HMBOX1: variants seen among roughly 807,000 people sequenced by gnomAD.
HMBOX1 encodes homeobox-containing protein 1.
In HMBOX1, 14 loss-of-function variants were observed where a neutral mutation model predicts 54.5. The observed-to-expected ratio is 0.26, with a 90% CI of 0.17 to 0.40. The LOEUF (loss-of-function observed/expected upper bound fraction) is 0.40. HMBOX1 is among the 10% of genes least tolerant of loss of function. The pLI, the probability that HMBOX1 is intolerant of heterozygous loss-of-function variation, is 1.00. For synonymous variants in HMBOX1, 160 were observed against 181.0 expected, an observed-to-expected ratio of 0.88 and a Z score of 0.93; for missense variants, 332 against 514.4, an observed-to-expected ratio of 0.65 and a Z score of 3.43.
chr8:29,047,329 T>C, intron 7 of HMBOX1, 29 bp from the exon 8 acceptor site: 1 of 1,244,034 alleles, frequency 8.0e-7, no homozygotes, highest in Non-Finnish European at 1.2e-6. Context: ...AGATATAGAT[T>C]ATCTGAATTT....
chr8:28,989,713 A>C (rs1830700413), intron 4 of HMBOX1, among the ~76,000 whole-genome samples: 1 of 152,204 alleles, frequency 6.6e-6, no homozygotes, highest in Non-Finnish European at 1.5e-5. Context: ...TACATTTTAA[A>C]ACTAGCTTTT....
intron 1 of HMBOX1, among the ~76,000 whole-genome samples, chr8:28,920,420 A>G (rs1288010639): frequency 6.6e-6 from 1 of 152,220 alleles, no homozygotes; most frequent in East Asian, 1.9e-4. Flanking sequence ...TAAATATATT[A>G]CATTTTATTA....
At chr8:28,941,584 A>AAGATTTCAC (rs1821424553) in intron 1 of HMBOX1, among the ~76,000 whole-genome samples, 1 of 152,226 alleles carries the variant, frequency 6.6e-6, no homozygotes, top group Non-Finnish European at 1.5e-5. Context: ...AAGCAGTTGA[A>AAGATTTCAC]AGATTTCACT....
chr8:28,966,950 G>A lies in HMBOX1; in HGVS notation c.23+3060G>A, dbSNP rs1398115312. On this transcript the variant is annotated intron_variant, in intron 2 of 9. Coordinates refer to ENST00000287701, the MANE Select transcript of HMBOX1 (RefSeq NM_001135726.3). Reference sequence around the variant, plus strand: ...GAAACAAAACAGCAAGAAGAGCAGGGATATATCAGGGGCTTAGGGATTATT... The same window carrying A: ...GAAACAAAACAGCAAGAAGAGCAGGAATATATCAGGGGCTTAGGGATTATT... 5.3e-5 allele frequency among the ~76,000 whole-genome samples: 8 copies of A among 152,230 alleles called. No individual in the cohort carries two copies. In the East Asian group the frequency reaches 1.5e-3, roughly 29 times the overall value.
At chr8:28,957,346 T>A (rs6981137) in intron 1 of HMBOX1, among the ~76,000 whole-genome samples, 150,168 of 152,298 alleles carry the variant, frequency 0.99, 74,047 homozygotes, top group East Asian at 1. Flanking sequence ...TATAAGTGGG[T>A]GCTAAACTTT....
rs576250155 is a variant in HMBOX1 at position 28,907,565 on chromosome 8, T to C, written c.-58+16887T>C. Among the ~76,000 whole-genome samples the C allele has an allele frequency of 4.6e-5, 7 of 152,304 alleles. No individual in the cohort carries two copies. In the East Asian group the frequency reaches 1.4e-3, roughly 29 times the overall value. On this transcript the variant is annotated intron_variant, in intron 1 of 9. Coordinates refer to ENST00000287701, the MANE Select transcript of HMBOX1 (RefSeq NM_001135726.3). ...CTCATCCAGGTAGTATAAAAACAATTAGTGCAATCAGTGATTTGTTATGTG... is the reference window on the plus strand; with the variant it reads ...CTCATCCAGGTAGTATAAAAACAATCAGTGCAATCAGTGATTTGTTATGTG...
At chr8:28,911,975 T>G (rs1186404579) in intron 1 of HMBOX1, among the ~76,000 whole-genome samples, 1 of 152,206 alleles carries the variant, frequency 6.6e-6, no homozygotes, top group Non-Finnish European at 1.5e-5. Context: ...ATTTTGAATT[T>G]TGACTTCTTT....
chr8:28,963,629 G>A (rs1007401440), intron 1 of HMBOX1, among the ~76,000 whole-genome samples, 182 bp from the exon 2 acceptor site: 1 of 152,144 alleles, frequency 6.6e-6, no homozygotes, highest in Non-Finnish European at 1.5e-5. Flanking sequence ...TAAGATCTGT[G>A]TCTGAATTGA....
At chr8:28,956,569 T>C (rs1052826907) in intron 1 of HMBOX1, among the ~76,000 whole-genome samples, 1 of 152,180 alleles carries the variant, frequency 6.6e-6, no homozygotes, top group East Asian at 1.9e-4. Flanking sequence ...TTAAAAAATA[T>C]GTATTCTTTC....
At chr8:29,021,035 C>T (rs764235255) in intron 6 of HMBOX1, among the ~76,000 whole-genome samples, 5 of 152,000 alleles carry the variant, frequency 3.3e-5, no homozygotes, top group Non-Finnish European at 4.4e-5. Flanking sequence ...AATATCTGGG[C>T]GTGGTGGCAT....
chr8:28,973,813 T>TTTTG (rs1563501736), intron 3 of HMBOX1, among the ~76,000 whole-genome samples: 15 of 35,058 alleles, frequency 4.3e-4, no homozygotes, highest in South Asian at 9.2e-4. Flanking sequence ...GTTTTTTTTT[T>TTTTG]TTTTTTTTTT....
chr8:28,961,152 A>G (rs1044445169), intron 1 of HMBOX1, among the ~76,000 whole-genome samples: 2 of 151,946 alleles, frequency 1.3e-5, no homozygotes, highest in African/African-American at 4.8e-5. Flanking sequence ...AGCATCCATA[A>G]ATTTATATCC....
At position 29,051,092 on chromosome 8, in the gene HMBOX1, T is replaced by C. The variant is rs377441971; in HGVS notation, c.1200T>C (p.Thr400=). ...TGGAAATGGCAGCAGTCAACCACAC[T>C]ATCTTGGCATTGGCCCGACAAGGAG... ...LAVEMAAVNH[T]ILALARQGAN... Residue 400 remains threonine (T), a synonymous_variant, in exon 10 of 10, where the codon ACT becomes ACC. Coordinates refer to ENST00000287701, the MANE Select transcript of HMBOX1 (RefSeq NM_001135726.3). The C allele has an allele frequency of 2.0e-5, 33 of 1,613,230 alleles. No individual in the cohort carries two copies. Among genetic ancestry groups the C allele is most frequent in the Non-Finnish European group, 2.7e-5 (32 of 1,179,908 alleles).
chr8:28,904,437 TG>T (rs1813862537), intron 1 of HMBOX1, among the ~76,000 whole-genome samples: 1 of 152,126 alleles, frequency 6.6e-6, no homozygotes, highest in Admixed American at 6.5e-5. Flanking sequence ...TTCACCATGT[TG>T]GCCAGGATGG....
intron 1 of HMBOX1, chr8:28,924,610 G>A (rs928669260): frequency 6.6e-6 from 1 of 151,770 alleles, no homozygotes; most frequent in Non-Finnish European, 1.5e-5. Flanking sequence ...GGTGATTCTT[G>A]TATATGGTAT....
chr8:28,976,318 C>CAT (rs750433994), intron 3 of HMBOX1, among the ~76,000 whole-genome samples: 58 of 152,116 alleles, frequency 3.8e-4, no homozygotes, highest in Non-Finnish European at 6.8e-4. Context: ...GTATTACAGA[C>CAT]ATATATATAC....
chr8:29,004,088 T>C (rs1339537692), intron 4 of HMBOX1, among the ~76,000 whole-genome samples: 4 of 152,118 alleles, frequency 2.6e-5, no homozygotes, highest in Non-Finnish European at 5.9e-5. Context: ...GAGTGAACAG[T>C]AAAATTGAGA....
At chr8:29,012,611 G>A (rs12548496) in intron 5 of HMBOX1, among the ~76,000 whole-genome samples, 11,474 of 152,272 alleles carry the variant, frequency 0.075, 623 homozygotes, top group South Asian at 0.23. Context: ...GAACTGGGAA[G>A]AATAGCTCTG....
intron 1 of HMBOX1, among the ~76,000 whole-genome samples, chr8:28,946,214 A>G (rs11996261): frequency 0.033 from 5,050 of 151,926 alleles, 296 homozygotes; most frequent in African/African-American, 0.12. Flanking sequence ...CGGCTTCCCA[A>G]AGTGCTGGGA....
Sources: gnomAD v4.1 joint callset for allele counts (sites outside exome capture counted in the v4.1 genomes callset) on GRCh38, gnomAD v4.1.1 for gene constraint, MANE v1.5 for transcripts, NCBI Gene and HGNC (gene_info 2026-07-23, HGNC 2026-07-21) for gene names.